ST6GAL1: variants seen among roughly 807,000 people sequenced by gnomAD.
ST6GAL1 encodes beta-galactoside alpha-2,6-sialyltransferase 1.
ST6GAL1 carries 20 observed loss-of-function variants against 38.0 expected under a neutral mutation model. The ratio of observed to expected loss-of-function variants is 0.53; its 90% CI spans 0.37 to 0.77. The LOEUF (loss-of-function observed/expected upper bound fraction) is 0.77, where lower values mean the gene tolerates loss of function less well. Ranked by LOEUF, ST6GAL1 falls within the 30% of genes least tolerant of loss-of-function variation. The pLI is 0.00. For synonymous variants in ST6GAL1, 196 were observed against 188.2 expected (o/e 1.04, Z -0.34); for missense variants, 432 against 496.4 (o/e 0.87, Z 1.23).
chr3:186,998,320 T>TA (rs1433483855), intron 2 of ST6GAL1, among the ~76,000 whole-genome samples: 1 of 152,220 alleles, frequency 6.6e-6, no homozygotes, highest in East Asian at 1.9e-4. Flanking sequence ...GCCTTACTGA[T>TA]AACATAAAAA....
intron 4 of ST6GAL1, among the ~76,000 whole-genome samples, chr3:187,049,833 A>G (rs1405015126): frequency 6.6e-6 from 1 of 152,244 alleles, no homozygotes; most frequent in East Asian, 1.9e-4. Context: ...TCATGCAATT[A>G]CTACTAATCC....
chr3:186,931,850 G>T (rs1369742817), intron 1 of ST6GAL1, among the ~76,000 whole-genome samples: 6 of 152,228 alleles, frequency 3.9e-5, no homozygotes, highest in African/African-American at 1.4e-4. Flanking sequence ...ACAATTTTCA[G>T]TTCTGAGTTT....
At chr3:187,074,031 G>C (rs1719477716) in intron 6 of ST6GAL1, 128 bp from the exon 7 acceptor site, 1 of 800,730 alleles carries the variant, frequency 1.2e-6, no homozygotes, top group Admixed American at 3.3e-5. Flanking sequence ...GCAAGAAAAG[G>C]GCTGTGCCTC....
chr3:186,980,035 C>T (rs12054295), intron 2 of ST6GAL1, among the ~76,000 whole-genome samples: 15,090 of 152,148 alleles, frequency 0.099, 862 homozygotes, highest in East Asian at 0.24. Context: ...ATTCCAGATA[C>T]GTAACTGAGG....
chr3:186,971,401 G>A (rs563508466), intron 2 of ST6GAL1, among the ~76,000 whole-genome samples: 29 of 152,298 alleles, frequency 1.9e-4, no homozygotes, highest in Non-Finnish European at 2.9e-4. Context: ...CCCCCCCAAC[G>A]TTAGCTGTTT....
At chr3:187,071,771 C>G (rs1413796084) in intron 5 of ST6GAL1, among the ~76,000 whole-genome samples, 1 of 114,000 alleles carries the variant, frequency 8.8e-6, no homozygotes, top group Admixed American at 9.3e-5. Context: ...TTTGAGACTC[C>G]GCCTCAAAAA....
intron 1 of ST6GAL1, among the ~76,000 whole-genome samples, chr3:186,950,288 G>A (rs1007941070): frequency 1.1e-4 from 17 of 152,306 alleles, no homozygotes; most frequent in African/African-American, 3.1e-4. Context: ...GTGAGCCCTC[G>A]GGCTTCCCCC....
chr3:186,939,186 T>C (rs1714074874), intron 1 of ST6GAL1, among the ~76,000 whole-genome samples: 1 of 151,576 alleles, frequency 6.6e-6, no homozygotes, highest in South Asian at 2.1e-4. Context: ...GCGATCCTCC[T>C]GCCTCAGCCT....
intron 4 of ST6GAL1, among the ~76,000 whole-genome samples, chr3:187,049,632 CT>C (rs1390548076): frequency 6.6e-6 from 1 of 152,220 alleles, no homozygotes; most frequent in African/African-American, 2.4e-5. Flanking sequence ...GTCATCAACC[CT>C]GGGGCTTTAG....
intron 5 of ST6GAL1, chr3:187,051,577 T>C: frequency 2.2e-6 from 1 of 458,086 alleles, no homozygotes; most frequent in Non-Finnish European, 4.0e-6. Context: ...AGGTGTCTGG[T>C]ACCCAGGAAA....
chr3:186,980,603 CAAAAAAAAA>C (rs34503745), intron 2 of ST6GAL1, among the ~76,000 whole-genome samples: 1 of 92,170 alleles, frequency 1.1e-5, no homozygotes, highest in Non-Finnish European at 2.1e-5. Flanking sequence ...ACTAAAATTA[CAAAAAAAAA>C]AAAAAAAAAA....
chr3:186,987,200 GA>G (rs1553821934), intron 2 of ST6GAL1, among the ~76,000 whole-genome samples: 31 of 138,774 alleles, frequency 2.2e-4, no homozygotes, highest in East Asian at 1.1e-3. Flanking sequence ...GGGAGGGAGG[GA>G]AGGAAAGAAA....
At chr3:187,005,357 G>A (rs1380457064) in intron 2 of ST6GAL1, among the ~76,000 whole-genome samples, 1 of 144,812 alleles carries the variant, frequency 6.9e-6, no homozygotes, top group East Asian at 2.1e-4. Flanking sequence ...CTCAGTGCAA[G>A]CTCCACCTCC....
At chr3:187,002,853 A>G (rs185356959) in intron 2 of ST6GAL1, among the ~76,000 whole-genome samples, 20 of 152,364 alleles carry the variant, frequency 1.3e-4, no homozygotes, top group African/African-American at 4.6e-4. Context: ...ATTAGAAAGT[A>G]TATTTTGTAT....
intron 7 of ST6GAL1, 120 bp downstream of exon 7, chr3:187,074,453 C>T (rs4686847): frequency 0.43 from 497,481 of 1,150,418 alleles, 110,390 homozygotes; most frequent in East Asian, 0.63. Context: ...TGCTAGGATT[C>T]TGCTCTGCTT....
At chr3:187,003,724 G>A (rs1716694459) in intron 2 of ST6GAL1, among the ~76,000 whole-genome samples, 1 of 152,154 alleles carries the variant, frequency 6.6e-6, no homozygotes, top group African/African-American at 2.4e-5. Context: ...TTAGGAGAAG[G>A]ATAATTGAAA....
At chr3:186,991,342 A>G (rs1038910017) in intron 2 of ST6GAL1, among the ~76,000 whole-genome samples, 1 of 152,022 alleles carries the variant, frequency 6.6e-6, no homozygotes, top group Non-Finnish European at 1.5e-5. Flanking sequence ...AATTCTCTGA[A>G]AGGTCATGCC....
intron 2 of ST6GAL1, among the ~76,000 whole-genome samples, chr3:186,968,003 G>A (rs1205035100): frequency 6.6e-6 from 1 of 152,198 alleles, no homozygotes; most frequent in East Asian, 1.9e-4. Flanking sequence ...TGTCATTTTA[G>A]TGATGCCAGA....
chr3:187,068,412 TACTG>T (rs1393134462), intron 5 of ST6GAL1, among the ~76,000 whole-genome samples: 5 of 152,146 alleles, frequency 3.3e-5, no homozygotes, highest in Admixed American at 1.3e-4. Context: ...CTCTCTTACT[TACTG>T]ACTGTGTAAT....
Sources: gnomAD v4.1 joint callset for allele counts (sites outside exome capture counted in the v4.1 genomes callset) on GRCh38, gnomAD v4.1.1 for gene constraint, MANE v1.5 for transcripts, NCBI Gene and HGNC (gene_info 2026-07-23, HGNC 2026-07-21) for gene names.